Variants in SETD7 observed in about 807,000 individuals in gnomAD.
The protein encoded by SETD7 is histone-lysine N-methyltransferase SETD7.
A neutral mutation model predicts 41.8 loss-of-function variants in SETD7; 16 were observed. The observed-to-expected ratio is 0.38, with a 90% CI of 0.26 to 0.58. The LOEUF is 0.58. Among genes scored for constraint, SETD7 ranks in the 20% least tolerant of loss-of-function variants. The probability of loss-of-function intolerance (pLI) is 0.64; values close to 1 mark genes in which losing one functional copy is unlikely to be tolerated. For synonymous variants in SETD7, 163 were observed against 169.7 expected, an observed-to-expected ratio of 0.96 and a Z score of 0.31; for missense variants, 346 against 459.7, an observed-to-expected ratio of 0.75 and a Z score of 2.26.
At chr4:139,552,390 C>A (rs1412495211) in intron 1 of SETD7, among the ~76,000 whole-genome samples, 1 of 152,132 alleles carries the variant, frequency 6.6e-6, no homozygotes, top group South Asian at 2.1e-4. Context: ...CATTTCCAGG[C>A]CCTTCTGTTT....
At position 139,529,185 on chromosome 4, in the gene SETD7, A is replaced by G. The variant is rs759399993; in HGVS notation, c.408T>C (p.Asp136=). The G allele has an allele frequency of 6.2e-7, 1 of 1,613,474 alleles. No individual in the cohort carries two copies. The highest frequency in any genetic ancestry group is 1.1e-5 in the South Asian group (1 of 90,996). Residue 136 remains aspartate, a synonymous_variant, in exon 4 of 8, where the codon GAT becomes GAC. Transcript: ENST00000274031. The stretch of plus-strand genomic sequence containing the variant: ...CTATCTTCTCTCCAGTCATCTCCCC[A>G]TCTTCATTTACTTCTCCTACAAGGC... The part of the protein sequence containing the change: ...GGSLVGEVNE[D]GEMTGEKIAY...
chr4:139,497,454 G>A (rs1222729372), intron 7 of SETD7, among the ~76,000 whole-genome samples: 3 of 150,976 alleles, frequency 2.0e-5, no homozygotes, highest in Non-Finnish European at 4.4e-5. Flanking sequence ...GCGAAACTCC[G>A]TCTCAAAAAA....
intron 6 of SETD7, among the ~76,000 whole-genome samples, chr4:139,519,426 A>G (rs567567381): frequency 5.4e-4 from 82 of 152,354 alleles, no homozygotes; most frequent in Non-Finnish European, 1.1e-3. Flanking sequence ...TCAATATCCC[A>G]AAGTCACCCT....
At chr4:139,538,965 A>AT (rs1313323135) in intron 2 of SETD7, among the ~76,000 whole-genome samples, 1 of 152,198 alleles carries the variant, frequency 6.6e-6, no homozygotes, top group Admixed American at 6.5e-5. Context: ...CAGTTAAGAA[A>AT]TCTAACTTAC....
chr4:139,532,130 C>A (rs1452194007), intron 3 of SETD7, among the ~76,000 whole-genome samples: 4 of 151,982 alleles, frequency 2.6e-5, no homozygotes, highest in Non-Finnish European at 5.9e-5. Flanking sequence ...AAGTTATGAA[C>A]AAAATAAAGT....
At chr4:139,548,468 T>C (rs759686351) in intron 1 of SETD7, among the ~76,000 whole-genome samples, 1 of 151,966 alleles carries the variant, frequency 6.6e-6, no homozygotes, top group African/African-American at 2.4e-5. Flanking sequence ...CCGTCTTTAC[T>C]AAAAATACAA....
chr4:139,523,999 C>A (rs541922516), intron 4 of SETD7, among the ~76,000 whole-genome samples: 84 of 152,286 alleles, frequency 5.5e-4, no homozygotes, highest in African/African-American at 2.0e-3. Flanking sequence ...CACACAACCA[C>A]CCTAGAAGGA....
intron 2 of SETD7, among the ~76,000 whole-genome samples, chr4:139,544,382 G>T (rs2111168699): frequency 6.6e-6 from 1 of 152,108 alleles, no homozygotes; most frequent in South Asian, 2.1e-4. Flanking sequence ...ATCAATGAAT[G>T]TATTTCTAGC....
At chr4:139,522,562 G>T (rs908530749) in intron 5 of SETD7, among the ~76,000 whole-genome samples, 1 of 151,972 alleles carries the variant, frequency 6.6e-6, no homozygotes, top group Non-Finnish European at 1.5e-5. Flanking sequence ...AAAAGAAATT[G>T]TCTTGTGTTC....
Position 139,512,219 on chromosome 4 carries a change from G to A in SETD7, c.921-376C>T, listed in dbSNP as rs539617376. Among the ~76,000 whole-genome samples the A allele has an allele frequency of 1.9e-4, 29 of 152,274 alleles. No individual in the cohort carries two copies. In the East Asian group the frequency reaches 5.0e-3, roughly 26 times the overall value. Reference sequence around the variant, plus strand: ...TGAGAAATCAGATCCAGTGCAGCCCGCCAGCATTTGAGCTTGTCTGGCCAG... The same window carrying A: ...TGAGAAATCAGATCCAGTGCAGCCCACCAGCATTTGAGCTTGTCTGGCCAG... On this transcript the variant is annotated intron_variant, in intron 7 of 7. Coordinates refer to ENST00000274031, the MANE Select transcript of SETD7 (RefSeq NM_030648.4).
At chr4:139,513,419 C>CA (rs201888132) in intron 7 of SETD7, among the ~76,000 whole-genome samples, 13,120 of 83,034 alleles carry the variant, frequency 0.16, 701 homozygotes, top group Middle Eastern at 0.27. Flanking sequence ...GACTTTGTCT[C>CA]AAAAAAAAAA....
In SETD7 at chr4:139,510,701, C is replaced by A. The variant is rs955749015; in HGVS notation, c.*962G>T. On this transcript the variant is annotated 3_prime_UTR_variant, in exon 8 of 8. Transcript: ENST00000274031. ...CTTTTGAATTCAATGCACTGTGCCA[C>A]AAGCCTGACCGCGCTATGTTATGTA... 6.6e-6 allele frequency: 1 copy of A among 152,294 alleles called. No homozygotes were observed. The highest frequency in any genetic ancestry group is 2.4e-5 in the African/African-American group (1 of 41,432). 9.4% of individuals were successfully genotyped at this position (152,294 alleles called of 1,614,324 possible).
intron 2 of SETD7, among the ~76,000 whole-genome samples, chr4:139,543,735 G>A (rs1434336662): frequency 2.0e-5 from 3 of 149,970 alleles, no homozygotes; most frequent in Admixed American, 1.3e-4. Context: ...GGCGGATCAC[G>A]AGGTCAGGAG....
At position 139,511,788 on chromosome 4, in the gene SETD7, C is replaced by T. The variant is rs1398101235; in HGVS notation, c.976G>A (p.Glu326Lys). 6.2e-7 allele frequency: 1 copy of T among 1,614,046 alleles called. No individual in the cohort carries two copies. Among genetic ancestry groups the T allele is most frequent in the Non-Finnish European group, 8.5e-7 (1 of 1,180,020 alleles). ...IKCIRTLRAV[E>K]ADEELTVAYG... ...GCAACGGTGAGCTCTTCATCGGCCT[C>T]CACTGCTCTCAGGGTGCGGATGCAT... The change falls in exon 8 of 8, where the codon GAG (glutamate) becomes AAG (lysine). Residue 326 changes from glutamate to lysine, a missense_variant. Physicochemically the swap from Glu to Lys is moderately conservative, Grantham distance 56. Transcript: ENST00000274031.
chr4:139,501,373 G>A (rs1472051738), downstream of SETD7, among the ~76,000 whole-genome samples: 8 of 142,104 alleles, frequency 5.6e-5, no homozygotes, highest in East Asian at 1.8e-3. Context: ...ATAAGTGGGA[G>A]CTAAGCTATG....
At chr4:139,552,282 G>A (rs1728131958) in intron 1 of SETD7, among the ~76,000 whole-genome samples, 1 of 152,166 alleles carries the variant, frequency 6.6e-6, no homozygotes, top group South Asian at 2.1e-4. Context: ...ATATTTTGAA[G>A]GGGTTGTGGC....
At chr4:139,529,316 T>G in intron 3 of SETD7, 96 bp from the exon 4 acceptor site, 2 of 891,228 alleles carry the variant, frequency 2.2e-6, no homozygotes, top group Non-Finnish European at 3.4e-6. Context: ...ATTATTAATA[T>G]AGCACCAGTA....
At chr4:139,546,778 A>G in intron 2 of SETD7, 142 bp downstream of exon 2, 2 of 1,112,548 alleles carry the variant, frequency 1.8e-6, no homozygotes, top group East Asian at 2.5e-5. Context: ...CAGTCACCAA[A>G]GCAGTGCCTA....
chr4:139,511,935 G>A, intron 7 of SETD7, 92 bp from the exon 8 acceptor site: 2 of 1,504,720 alleles, frequency 1.3e-6, no homozygotes, highest in Non-Finnish European at 1.8e-6. Flanking sequence ...ATCACCCCCA[G>A]GCACTCTTCC....
Sources: allele counts gnomAD v4.1 joint callset (sites outside exome capture counted in the v4.1 genomes callset), GRCh38; gene constraint gnomAD v4.1.1; transcripts MANE v1.5; gene names NCBI Gene and HGNC (gene_info 2026-07-23, HGNC 2026-07-21).